CPT1A: variants seen among roughly 807,000 people sequenced by gnomAD.
CPT1A encodes the protein carnitine palmitoyltransferase 1A, also known as carnitine O-palmitoyltransferase 1, liver isoform.
Under a neutral mutation model 100.8 loss-of-function variants are expected in CPT1A, and 64 were observed. That is an observed-to-expected ratio of 0.63 (90% CI 0.52 to 0.78). CPT1A has a LOEUF of 0.78. CPT1A is among the 30% of genes least tolerant of loss of function. The pLI is 0.00. For synonymous variants in CPT1A, 363 were observed against 396.0 expected (o/e 0.92, Z 0.99); for missense variants, 802 against 1,034.1 (o/e 0.78, Z 3.08).
At chr11:68,780,016 G>C (rs1004304515) in intron 12 of CPT1A, among the ~76,000 whole-genome samples, 2 of 152,114 alleles carry the variant, frequency 1.3e-5, no homozygotes, top group Non-Finnish European at 2.9e-5. Context: ...GCACATAAGG[G>C]ATAGTTTATT....
chr11:68,778,804 G>GTAAAA, intron 12 of CPT1A, among the ~76,000 whole-genome samples: 1 of 147,578 alleles, frequency 6.8e-6, no homozygotes, highest in East Asian at 2.0e-4. Flanking sequence ...TTTTTTTTTT[G>GTAAAA]AGATGGAGTC....
intron 1 of CPT1A, among the ~76,000 whole-genome samples, chr11:68,825,039 T>G (rs1401527425): frequency 1.3e-5 from 2 of 152,112 alleles, no homozygotes; most frequent in African/African-American, 4.8e-5. Flanking sequence ...CCTCAGGTGA[T>G]CTGCCCAACT....
intron 1 of CPT1A, among the ~76,000 whole-genome samples, chr11:68,839,369 C>T (rs1434354862): frequency 2.0e-5 from 3 of 152,226 alleles, no homozygotes; most frequent in Non-Finnish European, 2.9e-5. Flanking sequence ...CCCCAAGCCC[C>T]GGGCGGCGTC....
chr11:68,805,665 C>T (rs574842590), intron 4 of CPT1A, among the ~76,000 whole-genome samples: 22 of 152,282 alleles, frequency 1.4e-4, no homozygotes, highest in Admixed American at 5.9e-4. Context: ...AGCAGACCCA[C>T]GGCTTCGTAT....
At chr11:68,806,736 C>A (rs974549717) in intron 4 of CPT1A, among the ~76,000 whole-genome samples, 1 of 151,716 alleles carries the variant, frequency 6.6e-6, no homozygotes, top group Non-Finnish European at 1.5e-5. Flanking sequence ...TCAAGACCAG[C>A]CTGACCAACA....
intron 1 of CPT1A, among the ~76,000 whole-genome samples, chr11:68,823,405 T>C (rs1296502709): frequency 6.6e-6 from 1 of 152,218 alleles, no homozygotes; most frequent in East Asian, 1.9e-4. Flanking sequence ...AAATATATGA[T>C]GGTGGGGGTG....
intron 1 of CPT1A, among the ~76,000 whole-genome samples, chr11:68,822,421 A>G (rs910093358): frequency 2.6e-5 from 4 of 151,910 alleles, no homozygotes; most frequent in Non-Finnish European, 4.4e-5. Flanking sequence ...TAACCCTAGC[A>G]ACTTGGGAGG....
At chr11:68,797,182 GGT>G (rs1197216859) in intron 6 of CPT1A, among the ~76,000 whole-genome samples, 4 of 152,180 alleles carry the variant, frequency 2.6e-5, no homozygotes, top group Non-Finnish European at 5.9e-5. Flanking sequence ...TTTTGTAGAT[GGT>G]TCAAAAGGGA....
Position 68,781,871 on chromosome 11 carries a change from C to T in CPT1A, c.1252G>A (p.Val418Met), listed in dbSNP as rs756674071. ...LDAVEKAAFFVTLDETEEGYR... is the reference protein window; with the variant it reads ...LDAVEKAAFFMTLDETEEGYR... ...CCTTCTTCAGTTTCATCTAACGTCA[C>T]AAAGAACGCTGCTTTCTCCACAGCA... is the stretch of plus-strand genomic sequence containing the variant. Residue 418 changes from valine to methionine, a missense_variant, in exon 11 of 19, where the codon GTG becomes ATG. Transcript: ENST00000265641. 1.4e-5 allele frequency: 22 copies of T among 1,614,080 alleles called. No individual in the cohort carries two copies. Among genetic ancestry groups the T allele is most frequent in the South Asian group, 4.4e-5 (4 of 91,080 alleles).
At position 68,762,736 on chromosome 11, in the gene CPT1A, T is replaced by C. The variant is rs1321750256; in HGVS notation, c.1766A>G (p.Tyr589Cys). ...GAAGAGCCGGGTCATGGAGGCCTCG[T>C]ATGTGAGGCAAAACTTGCCCATGTC... ...YKDMGKFCLT[Y>C]EASMTRLFRE... The change falls in exon 15 of 19, where the codon TAC (tyrosine) becomes TGC (cysteine). Residue 589 changes from tyrosine (Y) to cysteine (C), a missense_variant. Physicochemically the swap from Tyr to Cys is radical, Grantham distance 194. Around this residue, in one of 4 missense-constraint regions of CPT1A, gnomAD observed 627 missense variants for 799.3 expected, o/e 0.78. Coordinates refer to ENST00000265641, the MANE Select transcript of CPT1A (RefSeq NM_001876.4). 1 of 1,614,082 alleles carries C rather than the reference T, an allele frequency of 6.2e-7. No homozygotes were observed. Among genetic ancestry groups the C allele is most frequent in the Non-Finnish European group, 8.5e-7 (1 of 1,180,020 alleles).
In CPT1A at chr11:68,757,305, A is replaced by C. The variant is rs964489942; in HGVS notation, c.*339T>G. The C allele has an allele frequency of 2.5e-6, 3 of 1,192,202 alleles. No homozygotes were observed. Among genetic ancestry groups the C allele is most frequent in the Admixed American group, 8.0e-5 (2 of 24,934 alleles). 73.9% of individuals were successfully genotyped at this position (1,192,202 alleles called of 1,614,324 possible). A position where few individuals can be genotyped will look rare whatever the true frequency, so the allele number is the denominator to read the frequency against. ...CCTTCGGTTGCCACTGAGAAAGCAC[A>C]CCATTTCCATTCCACTGTGTGTGAA... On this transcript the variant is annotated 3_prime_UTR_variant, in exon 19 of 19. Coordinates refer to ENST00000265641, the MANE Select transcript of CPT1A (RefSeq NM_001876.4).
At chr11:68,770,271 T>TA (rs1234837521) in intron 14 of CPT1A, among the ~76,000 whole-genome samples, 2 of 152,156 alleles carry the variant, frequency 1.3e-5, no homozygotes, top group Admixed American at 6.6e-5. Flanking sequence ...ATTCTCTTAT[T>TA]ATATTTCCCA....
intron 14 of CPT1A, among the ~76,000 whole-genome samples, chr11:68,770,937 A>G (rs767725417): frequency 9.9e-5 from 15 of 152,216 alleles, no homozygotes; most frequent in Non-Finnish European, 1.8e-4. Flanking sequence ...CCCTCAGGCA[A>G]GATGCTTCAC....
intron 14 of CPT1A, among the ~76,000 whole-genome samples, chr11:68,763,880 G>A (rs975025615): frequency 1.3e-5 from 2 of 152,164 alleles, no homozygotes; most frequent in African/African-American, 4.8e-5. Context: ...GCTGAACCCG[G>A]GAGCCTCTGC....
intron 1 of CPT1A, among the ~76,000 whole-genome samples, chr11:68,826,272 C>G (rs576748396): frequency 8.6e-5 from 13 of 151,862 alleles, no homozygotes; most frequent in African/African-American, 2.4e-4. Context: ...ATGGTGAAAC[C>G]CTGTCACTAC....
At chr11:68,787,595 T>C (rs1020993931) in intron 9 of CPT1A, among the ~76,000 whole-genome samples, 1 of 152,220 alleles carries the variant, frequency 6.6e-6, no homozygotes, top group East Asian at 1.9e-4. Context: ...ATGGGGTCTT[T>C]AATGAGGTCA....
At chr11:68,821,216 A>G (rs7483929) in intron 1 of CPT1A, among the ~76,000 whole-genome samples, 133,989 of 152,182 alleles carry the variant, frequency 0.88, 60,470 homozygotes, top group Non-Finnish European at 0.98. Context: ...GCAATGGCAC[A>G]GTCTCGGCTC....
downstream of CPT1A, chr11:68,754,639 T>C: frequency 1.7e-6 from 1 of 605,390 alleles, no homozygotes; most frequent in South Asian, 2.1e-5. Context: ...ACATATTTAT[T>C]GAGCATCTTT....
chr11:68,808,706 T>C (rs2154000909), intron 3 of CPT1A, among the ~76,000 whole-genome samples: 1 of 152,166 alleles, frequency 6.6e-6, no homozygotes, highest in South Asian at 2.1e-4. Context: ...TTAGTTTTGG[T>C]TGTTTTGGGA....
Sources: allele counts gnomAD v4.1 joint callset (sites outside exome capture counted in the v4.1 genomes callset), GRCh38; gene constraint gnomAD v4.1.1; regional missense constraint gnomAD v4.1.1; transcripts MANE v1.5; gene names NCBI Gene and HGNC (gene_info 2026-07-23, HGNC 2026-07-21).